The following RFXANK variants were observed in gnomAD, a reference collection of about 807,000 sequenced individuals.
The protein encoded by RFXANK is regulatory factor X associated ankyrin containing protein, also known as DNA-binding protein RFXANK.
In RFXANK, 19 loss-of-function variants were observed where a neutral mutation model predicts 34.5. The ratio of observed to expected loss-of-function variants is 0.55; its 90% CI spans 0.38 to 0.81. The LOEUF (loss-of-function observed/expected upper bound fraction) is 0.81. Among genes scored for constraint, RFXANK ranks in the 30% least tolerant of loss-of-function variants. The probability of loss-of-function intolerance (pLI) is 0.00; values close to 1 mark genes in which losing one functional copy is unlikely to be tolerated. For missense variants in RFXANK, 295 were observed against 343.5 expected, an observed-to-expected ratio of 0.86 and a Z score of 1.12; for synonymous variants, 154 against 149.8, an observed-to-expected ratio of 1.03 and a Z score of -0.20.
chr19:19,199,765 G>A (rs1015112687), intron 9 of RFXANK, among the ~76,000 whole-genome samples: 4 of 152,160 alleles, frequency 2.6e-5, no homozygotes, highest in African/African-American at 4.8e-5. Flanking sequence ...TCTCCGTGGC[G>A]GGCAGTGGGT....
intron 8 of RFXANK, 179 bp from the exon 9 acceptor site, chr19:19,198,975 G>A (rs367751499): frequency 3.0e-5 from 23 of 767,740 alleles, no homozygotes; most frequent in African/African-American, 2.7e-4. Flanking sequence ...CTTCAGCCAC[G>A]TTCTTCAGTG....
At chr19:19,193,378 A>T (rs2060526077) in intron 2 of RFXANK, among the ~76,000 whole-genome samples, 1 of 150,298 alleles carries the variant, frequency 6.7e-6, no homozygotes, top group East Asian at 2.0e-4. Context: ...GAACCCAGAC[A>T]GCTGACCCCA....
At chr19:19,199,035 C>CGG in intron 8 of RFXANK, 119 bp from the exon 9 acceptor site, 1 of 1,032,812 alleles carries the variant, frequency 9.7e-7, no homozygotes, top group Non-Finnish European at 1.5e-6. Flanking sequence ...ACATGGGCAA[C>CGG]GGGCAGACCC....
Position 19,199,196 on chromosome 19 carries a change from C to T in RFXANK, c.674C>T (p.Thr225Ile), listed in dbSNP as rs758964462. 3 of 1,614,032 alleles carry T rather than the reference C, an allele frequency of 1.9e-6. No individual in the cohort carries two copies. The highest frequency in any genetic ancestry group is 1.7e-6 in the Non-Finnish European group (2 of 1,180,018). ...ACCACCGAAGCCGACTCTGGCTACA[C>T]CCCGATGGACCTTGCCGTGGCCCTG... The part of the protein sequence containing the change: ...DLTTEADSGY[T>I]PMDLAVALGY... The change falls in exon 9 of 10, where the codon ACC becomes ATC. Residue 225 changes from threonine to isoleucine, a missense_variant. Thr to Ile is a moderately conservative substitution (Grantham distance 89). Coordinates refer to ENST00000303088, the MANE Select transcript of RFXANK (RefSeq NM_003721.4).
intron 7 of RFXANK, 22 bp downstream of exon 7, chr19:19,198,254 G>A (rs2060636921): frequency 6.2e-7 from 1 of 1,613,976 alleles, no homozygotes; most frequent in African/African-American, 1.3e-5. Flanking sequence ...CCCATCCCCA[G>A]GACCTCTCAG....
rs572013964 is a variant in RFXANK at position 19,201,333 on chromosome 19, C to T, written c.713-316C>T. 6 of 812,474 alleles carry T rather than the reference C, an allele frequency of 7.4e-6. No individual in the cohort carries two copies. The Admixed American group carries it at 1.4e-4, about 19-fold the overall frequency. The allele number at this position is 812,474 out of a possible 1,614,324, so 50.3% of individuals were successfully genotyped here. On this transcript the variant is annotated intron_variant, in intron 9 of 9. Coordinates refer to ENST00000303088, the MANE Select transcript of RFXANK (RefSeq NM_003721.4). The stretch of plus-strand genomic sequence containing the variant: ...GCTCAAGCAGTCCTCCCCACTGGAC[C>T]TCCCAAAGTGCTGGGATTATAGGTG...
rs1445657418 is a variant in RFXANK at position 19,198,638 on chromosome 19, C to G, written c.565-19C>G. 1 of 1,612,496 alleles carries G rather than the reference C, an allele frequency of 6.2e-7. No individual in the cohort carries two copies. Reference sequence around the variant, plus strand: ...GGAAGAGGTAAACCTTTGGTTTCTCCTGCCCCTACCCACGACAGAATGGAG... The same window carrying G: ...GGAAGAGGTAAACCTTTGGTTTCTCGTGCCCCTACCCACGACAGAATGGAG... On this transcript the variant is annotated intron_variant, in intron 7 of 9. Coordinates refer to ENST00000303088, the MANE Select transcript of RFXANK (RefSeq NM_003721.4).
chr19:19,192,608 T>C (rs1209148188), intron 1 of RFXANK, 54 bp downstream of exon 1: 1 of 159,368 alleles, frequency 6.3e-6, no homozygotes, highest in Non-Finnish European at 1.4e-5. Context: ...TACTTCTTCT[T>C]CTTGAGATAG....
At chr19:19,195,031 G>A (rs568089735) in intron 3 of RFXANK, among the ~76,000 whole-genome samples, 19 of 68,254 alleles carry the variant, frequency 2.8e-4, no homozygotes, top group Non-Finnish European at 5.0e-4. Context: ...CTCCCTTCCC[G>A]CCTCCGTTTT....
In RFXANK at chr19:19,196,988, C is replaced by T. The variant is rs72997200; in HGVS notation, c.213C>T (p.Thr71=). Residue 71 remains threonine (T), a synonymous_variant, in exon 4 of 10, where the codon ACC becomes ACT. Transcript: ENST00000303088. ...PQAGSSLKHS[T]TLTNRQRGNE... ...CAGGCAGCTCCCTGAAGCACTCCAC[C>T]ACTCTCACCAACCGGCAGCGAGGGA... is the stretch of plus-strand genomic sequence containing the variant. The T allele has an allele frequency of 0.061, 98,728 of 1,612,860 alleles. 3,386 individuals are homozygous for T. The highest frequency in any genetic ancestry group is 0.074 in the Middle Eastern group (448 of 6,058).
At chr19:19,197,344 TC>T in intron 5 of RFXANK, 93 bp downstream of exon 5, 1 of 1,332,356 alleles carries the variant, frequency 7.5e-7, no homozygotes, top group Non-Finnish European at 1.1e-6. Flanking sequence ...CCTGTGAGTG[TC>T]CACGTGTATG....
intron 6 of RFXANK, among the ~76,000 whole-genome samples, chr19:19,197,902 C>G (rs955117164): frequency 1.3e-5 from 2 of 151,916 alleles, no homozygotes; most frequent in African/African-American, 4.8e-5. Context: ...ATCCCAGGTA[C>G]TCTGGAGGCT....
chr19:19,193,821 T>G, intron 2 of RFXANK, 118 bp from the exon 3 acceptor site: 2 of 1,148,678 alleles, frequency 1.7e-6, no homozygotes, highest in Non-Finnish European at 2.6e-6. Flanking sequence ...CTCTGGTAAT[T>G]AACCTGGACC....
rs767737666 is a variant in RFXANK at position 19,194,027 on chromosome 19, C to G, written c.81C>G (p.Pro27=). 4 of 1,614,088 alleles carry G rather than the reference C, an allele frequency of 2.5e-6. No homozygotes were observed. The African/African-American group carries it at 5.3e-5, about 22-fold the overall frequency. The change falls in exon 3 of 10, where the codon CCC becomes CCG. Residue 27 remains proline, a synonymous_variant. Coordinates refer to ENST00000303088, the MANE Select transcript of RFXANK (RefSeq NM_003721.4). ...PASELGDPED[P]GEEAADGSDT... is the part of the protein sequence containing the mutation. ...CAGAACTTGGGGACCCTGAAGACCCCGGAGAGGAGGCTGCAGATGGCTCAG... is the reference window on the plus strand; with the variant it reads ...CAGAACTTGGGGACCCTGAAGACCCGGGAGAGGAGGCTGCAGATGGCTCAG...
At chr19:19,200,109 C>G (rs1468144522) in intron 9 of RFXANK, among the ~76,000 whole-genome samples, 1 of 152,002 alleles carries the variant, frequency 6.6e-6, no homozygotes, top group Non-Finnish European at 1.5e-5. Context: ...ATCCTCCCAC[C>G]ACAGCCTCCC....
chr19:19,193,974 C>G lies in RFXANK; in HGVS notation c.28C>G (p.Leu10Val), dbSNP rs2060549059. 2 of 1,614,248 alleles carry G rather than the reference C, an allele frequency of 1.2e-6. No homozygotes were observed. The highest frequency in any genetic ancestry group is 1.7e-6 in the Non-Finnish European group (2 of 1,180,040). Residue 10 changes from leucine to valine, a missense_variant, in exon 3 of 10, where the codon CTC becomes GTC. Leu to Val is a conservative substitution (Grantham distance 32, BLOSUM62 1). Transcript: ENST00000303088. MELTQPAED[L>V]IQTQQTPASE... ...GGAGCTTACCCAGCCTGCAGAAGAC[C>G]TCATCCAGACCCAGCAGACCCCTGC...
At chr19:19,196,162 T>C (rs879878108) in intron 3 of RFXANK, among the ~76,000 whole-genome samples, 5 of 152,196 alleles carry the variant, frequency 3.3e-5, no homozygotes, top group Non-Finnish European at 7.3e-5. Context: ...GCTCAGAACA[T>C]TGCCAGGCAG....
intron 5 of RFXANK, 25 bp from the exon 6 acceptor site, chr19:19,197,496 G>A (rs1187406649): frequency 1.2e-6 from 2 of 1,609,548 alleles, no homozygotes; most frequent in South Asian, 2.2e-5. Flanking sequence ...GCAGCCTGGT[G>A]GTATTGCCCG....
In RFXANK at chr19:19,201,745, C is replaced by T. The variant is rs1458159205; in HGVS notation, c.*26C>T. The T allele has an allele frequency of 2.5e-6, 4 of 1,613,792 alleles. No homozygotes were observed. The highest frequency in any genetic ancestry group is 3.3e-4 in the Middle Eastern group (2 of 6,062). Reference sequence around the variant, plus strand: ...AGGCCGCCTGCCGGGGACTCAGACACTCAGGGAACAAAATGGTCAGCCAGA... The same window carrying T: ...AGGCCGCCTGCCGGGGACTCAGACATTCAGGGAACAAAATGGTCAGCCAGA... On this transcript the variant is annotated 3_prime_UTR_variant, in exon 10 of 10. Coordinates refer to ENST00000303088, the MANE Select transcript of RFXANK (RefSeq NM_003721.4).
Sources: gnomAD v4.1 joint callset for allele counts (sites outside exome capture counted in the v4.1 genomes callset) on GRCh38, gnomAD v4.1.1 for gene constraint, MANE v1.5 for transcripts, NCBI Gene and HGNC (gene_info 2026-07-23, HGNC 2026-07-21) for gene names.